SNX10: variants seen among roughly 807,000 people sequenced by gnomAD.
The protein encoded by SNX10 is sorting nexin 10.
SNX10 carries 25 observed loss-of-function variants against 28.5 expected under a neutral mutation model. That is an observed-to-expected ratio of 0.88 (90% CI 0.64 to 1.22). The LOEUF (loss-of-function observed/expected upper bound fraction) is 1.22. Ranked by LOEUF, SNX10 falls within the 50% of genes most tolerant of loss-of-function variation. SNX10 has a pLI of 0.00. For synonymous variants in SNX10, 62 were observed against 81.4 expected (o/e 0.76, Z 1.28); for missense variants, 223 against 242.6 (o/e 0.92, Z 0.54).
At chr7:26,325,533 C>T (rs1165938640) in intron 1 of SNX10, among the ~76,000 whole-genome samples, 1 of 149,918 alleles carries the variant, frequency 6.7e-6, no homozygotes, top group Admixed American at 6.7e-5. Context: ...AGGCTGGTCT[C>T]GAACTCCTAA....
At chr7:26,370,281 T>C (rs1312753659) in intron 5 of SNX10, 3 of 152,238 alleles carry the variant, frequency 2.0e-5, no homozygotes, top group Non-Finnish European at 4.4e-5. Context: ...TGGTGAATAT[T>C]TGTAAATGTA....
At chr7:26,338,681 G>T (rs1471035308) in intron 1 of SNX10, among the ~76,000 whole-genome samples, 1 of 152,322 alleles carries the variant, frequency 6.6e-6, no homozygotes, top group East Asian at 1.9e-4. Flanking sequence ...TGGGATTACA[G>T]GTGTGAGCCA....
chr7:26,359,391 G>C (rs185907529), intron 2 of SNX10, among the ~76,000 whole-genome samples: 1 of 152,004 alleles, frequency 6.6e-6, no homozygotes, highest in Admixed American at 6.6e-5. Context: ...GAAAGCCCCC[G>C]ATCTCTCTTT....
chr7:26,366,497 A>T (rs1301784421), intron 5 of SNX10, among the ~76,000 whole-genome samples: 4 of 152,168 alleles, frequency 2.6e-5, no homozygotes, highest in Non-Finnish European at 5.9e-5. Context: ...TTTGGGGGGT[A>T]TCACAGGCAT....
At chr7:26,305,663 A>T (rs1771373374) in intron 1 of SNX10, among the ~76,000 whole-genome samples, 4 of 152,182 alleles carry the variant, frequency 2.6e-5, no homozygotes. Context: ...TTGGGAAATC[A>T]GCTTAAAGAT....
intron 1 of SNX10, among the ~76,000 whole-genome samples, chr7:26,333,640 G>A (rs1264418113): frequency 1.3e-5 from 2 of 152,110 alleles, no homozygotes; most frequent in African/African-American, 4.8e-5. Flanking sequence ...TTCTTTTGAT[G>A]CTATATTTAG....
chr7:26,308,838 A>T (rs1014996878), intron 1 of SNX10, among the ~76,000 whole-genome samples: 1 of 152,092 alleles, frequency 6.6e-6, no homozygotes, highest in Non-Finnish European at 1.5e-5. Flanking sequence ...AACCTCTGGG[A>T]TCTGATAATG....
intron 1 of SNX10, among the ~76,000 whole-genome samples, chr7:26,302,861 C>T (rs925000798): frequency 6.6e-6 from 1 of 152,106 alleles, no homozygotes; most frequent in African/African-American, 2.4e-5. Context: ...CCAGCATGGC[C>T]AACATGATGG....
Position 26,346,447 on chromosome 7 carries a change from T to G in SNX10, c.5T>G (p.Phe2Cys), listed in dbSNP as rs749686065. 6.2e-7 allele frequency: 1 copy of G among 1,609,638 alleles called. No individual in the cohort carries two copies. The highest frequency in any genetic ancestry group is 8.5e-7 in the Non-Finnish European group (1 of 1,175,898). MFPEQQKEEFVS... is the reference protein window; with the variant it reads MCPEQQKEEFVS... The stretch of plus-strand genomic sequence containing the variant: ...TGATCGTGTCCTGTGCTGAAGATGT[T>G]TCCGGAACAACAGAAAGAGGTATGT... The change falls in exon 2 of 7, where the codon TTT becomes TGT. Residue 2 changes from phenylalanine to cysteine, a missense_variant. By Grantham distance (205) the Phe-to-Cys change is radical. Coordinates refer to ENST00000338523, the MANE Select transcript of SNX10 (RefSeq NM_013322.3).
At chr7:26,321,933 C>A (rs1213832862) in intron 1 of SNX10, among the ~76,000 whole-genome samples, 1 of 152,102 alleles carries the variant, frequency 6.6e-6, no homozygotes, top group Non-Finnish European at 1.5e-5. Context: ...TAATATTGGG[C>A]TATGATACAT....
chr7:26,315,001 A>AAAACAAAACG (rs958345792), intron 1 of SNX10, among the ~76,000 whole-genome samples: 2 of 151,904 alleles, frequency 1.3e-5, no homozygotes, highest in African/African-American at 4.8e-5. Flanking sequence ...GTCTCAAAAC[A>AAAACAAAACG]AAACAAAAAA....
At chr7:26,347,999 C>T (rs987654803) in intron 2 of SNX10, among the ~76,000 whole-genome samples, 1 of 152,112 alleles carries the variant, frequency 6.6e-6, no homozygotes, top group South Asian at 2.1e-4. Flanking sequence ...AGATTGGTCT[C>T]GAACTTCTGG....
Position 26,337,528 on chromosome 7 carries a change from C to T in SNX10, c.-23-8892C>T, listed in dbSNP as rs74480885. ...ACTTTGTCTTTATCAATTTAATTTCCTTGAAAACCTCATGTAAGTGGAATA... is the reference window on the plus strand; with the variant it reads ...ACTTTGTCTTTATCAATTTAATTTCTTTGAAAACCTCATGTAAGTGGAATA... On this transcript the variant is annotated intron_variant, in intron 1 of 6. Transcript: ENST00000338523. Among the ~76,000 whole-genome samples the T allele has an allele frequency of 3.3e-5, 5 of 152,270 alleles. No individual in the cohort carries two copies. The East Asian group carries it at 9.6e-4, about 29-fold the overall frequency.
chr7:26,372,471 C>T lies in SNX10; in HGVS notation c.525-20C>T, dbSNP rs766363833. On this transcript the variant is annotated intron_variant, in intron 6 of 6. Transcript: ENST00000338523. ...ACCAATTTCCTCTTTTTATTATTTT[C>T]CCCCTCTCTTCTTTTCCAGTTCATC... 36 of 1,504,980 alleles carry T rather than the reference C, an allele frequency of 2.4e-5. No homozygotes were observed. In the South Asian group the frequency reaches 3.8e-4, roughly 16 times the overall value. The allele number at this position is 1,504,980 out of a possible 1,614,324, so 93.2% of individuals were successfully genotyped here.
intron 1 of SNX10, among the ~76,000 whole-genome samples, chr7:26,328,878 C>T (rs1341587159): frequency 1.3e-5 from 2 of 152,148 alleles, no homozygotes; most frequent in Non-Finnish European, 2.9e-5. Flanking sequence ...CTTATAGCTG[C>T]CCATCCTCAT....
chr7:26,369,432 C>A (rs2698713), intron 5 of SNX10, among the ~76,000 whole-genome samples: 33,634 of 152,086 alleles, frequency 0.22, 4,359 homozygotes, highest in East Asian at 0.32. Flanking sequence ...AAAACACTCT[C>A]AAAAATTTTC....
At chr7:26,354,541 T>C (rs1448210963) in intron 2 of SNX10, among the ~76,000 whole-genome samples, 5 of 151,760 alleles carry the variant, frequency 3.3e-5, no homozygotes, top group African/African-American at 1.2e-4. Context: ...TTTAAATGTT[T>C]GTTTAAATGT....
At chr7:26,332,102 C>T (rs777890075) in intron 1 of SNX10, among the ~76,000 whole-genome samples, 11 of 152,132 alleles carry the variant, frequency 7.2e-5, no homozygotes, top group South Asian at 2.1e-4. Flanking sequence ...ATATATACCC[C>T]GGAGTTGAAT....
intron 1 of SNX10, among the ~76,000 whole-genome samples, chr7:26,317,333 G>C (rs999436644): frequency 2.0e-5 from 3 of 152,086 alleles, no homozygotes; most frequent in Non-Finnish European, 4.4e-5. Flanking sequence ...TTCCAGCATT[G>C]CCCTTGAGCA....
Sources: gnomAD v4.1 joint callset for allele counts (sites outside exome capture counted in the v4.1 genomes callset) on GRCh38, gnomAD v4.1.1 for gene constraint, MANE v1.5 for transcripts, NCBI Gene and HGNC (gene_info 2026-07-23, HGNC 2026-07-21) for gene names.